The following GALNT13 variants were observed in gnomAD, a reference collection of about 807,000 sequenced individuals.
GALNT13 encodes the protein polypeptide N-acetylgalactosaminyltransferase 13, also known as UDP-GalNAc:polypeptide N-acetylgalactosaminyltransferase 13.
GALNT13 carries 28 observed loss-of-function variants against 64.2 expected under a neutral mutation model. That is an observed-to-expected ratio of 0.44 (90% CI 0.32 to 0.60). The LOEUF is 0.60. Among genes scored for constraint, GALNT13 ranks in the 20% least tolerant of loss-of-function variants. The pLI, the probability that GALNT13 is intolerant of heterozygous loss-of-function variation, is 0.05. For synonymous variants in GALNT13, 214 were observed against 224.6 expected (o/e 0.95, Z 0.42); for missense variants, 577 against 669.8 (o/e 0.86, Z 1.53).
At chr2:153,688,991 G>GGTGT in the GALNT13 span, among the ~76,000 whole-genome samples, 11,000 of 129,926 alleles carry the variant, frequency 0.085, 645 homozygotes, top group East Asian at 0.26. Context: ...TAGAGGTAGG[G>GGTGT]GTGTGTGTGT....
chr2:153,752,425 G>T, the GALNT13 span, among the ~76,000 whole-genome samples: 1 of 152,040 alleles, frequency 6.6e-6, no homozygotes, highest in African/African-American at 2.4e-5. Flanking sequence ...GACAGGTCTG[G>T]TGTTGATGAA....
At chr2:153,598,353 C>G in the GALNT13 span, among the ~76,000 whole-genome samples, 1 of 151,854 alleles carries the variant, frequency 6.6e-6, no homozygotes, top group East Asian at 1.9e-4. Flanking sequence ...TTACATTTCC[C>G]CTTCTTCAAA....
intron 3 of GALNT13, among the ~76,000 whole-genome samples, chr2:154,047,273 C>T (rs556698196): frequency 4.6e-5 from 7 of 152,136 alleles, no homozygotes; most frequent in Non-Finnish European, 7.4e-5. Context: ...TGACATCTGC[C>T]GTGTGCTTGT....
At chr2:153,242,517 A>G in the GALNT13 span, among the ~76,000 whole-genome samples, 2 of 152,226 alleles carry the variant, frequency 1.3e-5, no homozygotes, top group African/African-American at 2.4e-5. Flanking sequence ...GTTACCTTTG[A>G]TAGAATTCAA....
chr2:153,652,348 C>T, the GALNT13 span, among the ~76,000 whole-genome samples: 746 of 152,156 alleles, frequency 4.9e-3, 5 homozygotes, highest in Admixed American at 8.5e-3. Context: ...AGGCTGCAGA[C>T]GGTGACTCAT....
At chr2:153,130,454 C>A in the GALNT13 span, among the ~76,000 whole-genome samples, 4 of 152,128 alleles carry the variant, frequency 2.6e-5, no homozygotes. Flanking sequence ...TATAGTTAAG[C>A]TCATTGCTAT....
the GALNT13 span, among the ~76,000 whole-genome samples, chr2:153,416,170 A>T: frequency 6.6e-6 from 1 of 152,156 alleles, no homozygotes; most frequent in Non-Finnish European, 1.5e-5. Flanking sequence ...AAATACTCTG[A>T]AAGTTACTAT....
intron 2 of GALNT13, among the ~76,000 whole-genome samples, chr2:153,917,974 ACTTC>A (rs1476066691): frequency 6.6e-6 from 1 of 150,616 alleles, no homozygotes; most frequent in Non-Finnish European, 1.5e-5. Flanking sequence ...TTGGATTTCT[ACTTC>A]CTTCTCTCTG....
At chr2:153,951,407 A>T (rs1692173857) in intron 3 of GALNT13, among the ~76,000 whole-genome samples, 1 of 152,188 alleles carries the variant, frequency 6.6e-6, no homozygotes, top group South Asian at 2.1e-4. Context: ...AGTCTGTGGC[A>T]GTATTCCATG....
chr2:153,634,829 G>A, the GALNT13 span, among the ~76,000 whole-genome samples: 11 of 151,886 alleles, frequency 7.2e-5, no homozygotes, highest in East Asian at 5.8e-4. Flanking sequence ...AACTACAGGC[G>A]TGAGCCACCA....
At chr2:154,373,893 CTTTAT>C (rs1456688665) in intron 9 of GALNT13, among the ~76,000 whole-genome samples, 6 of 152,152 alleles carry the variant, frequency 3.9e-5, no homozygotes, top group East Asian at 1.9e-4. Context: ...TTATGTTTTG[CTTTAT>C]TTTATTTAAG....
At chr2:154,413,876 A>G (rs1255265806) in intron 11 of GALNT13, among the ~76,000 whole-genome samples, 1 of 152,074 alleles carries the variant, frequency 6.6e-6, no homozygotes, top group Non-Finnish European at 1.5e-5. Context: ...CAATATTTAT[A>G]AAAGTTCATT....
chr2:153,716,374 A>G, the GALNT13 span, among the ~76,000 whole-genome samples: 1 of 152,160 alleles, frequency 6.6e-6, no homozygotes, highest in East Asian at 1.9e-4. Context: ...TTGTTTGCTC[A>G]TCAGCTATCA....
the GALNT13 span, among the ~76,000 whole-genome samples, chr2:153,379,298 A>G: frequency 6.6e-6 from 1 of 152,164 alleles, no homozygotes; most frequent in Admixed American, 6.6e-5. Flanking sequence ...AAGCAAGTCT[A>G]TGACAGAGGT....
At chr2:154,417,525 T>TTTATTTATTTATTTA (rs1559143602) in intron 11 of GALNT13, among the ~76,000 whole-genome samples, 5 of 20,472 alleles carry the variant, frequency 2.4e-4, no homozygotes, top group Admixed American at 1.8e-3. Context: ...TTATTTATTT[T>TTTATTTATTTATTTA]TTTGAGGCGG....
At chr2:153,347,084 C>T in the GALNT13 span, among the ~76,000 whole-genome samples, 2 of 152,216 alleles carry the variant, frequency 1.3e-5, no homozygotes, top group African/African-American at 4.8e-5. Flanking sequence ...ATTGTCCTGG[C>T]TTGGGCATAA....
the GALNT13 span, among the ~76,000 whole-genome samples, chr2:153,660,820 T>C: frequency 1.3e-5 from 2 of 151,938 alleles, no homozygotes; most frequent in Non-Finnish European, 2.9e-5. Flanking sequence ...ATCTTGAAAT[T>C]GTTCTTAAAG....
At chr2:153,584,778 C>T in the GALNT13 span, among the ~76,000 whole-genome samples, 4 of 152,298 alleles carry the variant, frequency 2.6e-5, no homozygotes, top group East Asian at 7.7e-4. Context: ...ATCACAGCTC[C>T]TGCCAATAGC....
rs183925670 is a variant in GALNT13 at position 153,998,105 on chromosome 2, T to C, written c.142+53466T>C. Among the ~76,000 whole-genome samples the C allele has an allele frequency of 2.4e-3, 368 of 152,228 alleles. 8 individuals are homozygous for C. The East Asian group carries it at 0.055, about 23-fold the overall frequency. ...TGTGAACAGTGTCTCAATAAACATA[T>C]GTGTGCATGTGTCTTTATAGTAGAA... On this transcript the variant is annotated intron_variant, in intron 3 of 12. Transcript: ENST00000392825.
Sources: allele counts gnomAD v4.1 joint callset (sites outside exome capture counted in the v4.1 genomes callset), GRCh38; gene constraint gnomAD v4.1.1; transcripts MANE v1.5; gene names NCBI Gene and HGNC (gene_info 2026-07-23, HGNC 2026-07-21).